Variants in PCNX1 observed in about 807,000 individuals in gnomAD.
PCNX1 encodes pecanex-like protein 1.
In PCNX1, 78 loss-of-function variants were observed where a neutral mutation model predicts 242.2. The ratio of observed to expected loss-of-function variants is 0.32; its 90% CI spans 0.27 to 0.39. The LOEUF is 0.39. PCNX1 is among the 10% of genes least tolerant of loss of function. The pLI, the probability that PCNX1 is intolerant of heterozygous loss-of-function variation, is 1.00. For missense variants in PCNX1, 2,581 were observed against 2,856.5 expected, an observed-to-expected ratio of 0.90 and a Z score of 2.20; for synonymous variants, 1,024 against 1,032.9, an observed-to-expected ratio of 0.99 and a Z score of 0.17.
At position 71,045,249 on chromosome 14, in the gene PCNX1, A is replaced by G. The variant is rs1247838680; in HGVS notation, c.3984A>G (p.Leu1328=). 5.6e-6 allele frequency: 9 copies of G among 1,613,022 alleles called. No homozygotes were observed. The highest frequency in any genetic ancestry group is 3.3e-5 in the Admixed American group (2 of 59,950). The change falls in exon 20 of 36, where the codon CTA becomes CTG. Residue 1328 remains leucine (L), a synonymous_variant. Transcript: ENST00000304743. The part of the protein sequence containing the change: ...LPWHCFSHPL[L]KTLEYNQYEV... ...GGCACTGTTTCTCTCATCCTCTGCTAAAGACACTAGAGTATAATCAGTATG... is the reference window on the plus strand; with the variant it reads ...GGCACTGTTTCTCTCATCCTCTGCTGAAGACACTAGAGTATAATCAGTATG...
At chr14:71,018,735 A>G (rs540405168) in intron 11 of PCNX1, among the ~76,000 whole-genome samples, 50 of 152,292 alleles carry the variant, frequency 3.3e-4, no homozygotes, top group South Asian at 4.1e-4. Flanking sequence ...TATTAAGGAG[A>G]GTAACATTTT....
chr14:71,009,646 C>A lies in PCNX1; in HGVS notation c.2642C>A (p.Ser881Tyr). 1 of 1,583,082 alleles carries A rather than the reference C, an allele frequency of 6.3e-7. No homozygotes were observed. The highest frequency in any genetic ancestry group is 1.1e-5 in the South Asian group (1 of 87,274). ...ATTTATTTGCTAGGTAAGTTCTCTT[C>A]TACGCTGTATGAGACTGGTGGCTGT... ...SLHDELGKFS[S>Y]TLYETGGCDM... The change falls in exon 9 of 36, where the codon TCT becomes TAT. Residue 881 changes from serine to tyrosine, a missense_variant. Ser to Tyr is a moderately radical substitution (Grantham distance 144, BLOSUM62 -2). Transcript: ENST00000304743.
At chr14:71,020,328 T>C (rs1297088378) in intron 12 of PCNX1, among the ~76,000 whole-genome samples, 1 of 152,244 alleles carries the variant, frequency 6.6e-6, no homozygotes, top group Admixed American at 6.5e-5. Flanking sequence ...AAATGGTATT[T>C]CTGGTTCTGG....
At chr14:71,105,629 G>A (rs558411248) in intron 33 of PCNX1, among the ~76,000 whole-genome samples, 189 bp downstream of exon 33, 6 of 150,834 alleles carry the variant, frequency 4.0e-5, no homozygotes, top group East Asian at 1.9e-4. Context: ...TGCAAGCTCC[G>A]CCTCCCGGGT....
intron 26 of PCNX1, among the ~76,000 whole-genome samples, chr14:71,066,006 A>G (rs530866238): frequency 1.5e-3 from 229 of 152,128 alleles, no homozygotes; most frequent in African/African-American, 5.3e-3. Flanking sequence ...TGCTGTTTTG[A>G]TTACTGTAGC....
chr14:71,114,951 G>A lies in PCNX1; in HGVS notation c.*5016G>A, dbSNP rs1051840293. 7 of 139,110 alleles carry A rather than the reference G, an allele frequency of 5.0e-5. No homozygotes were observed. Among genetic ancestry groups the A allele is most frequent in the African/African-American group, 1.5e-4 (6 of 39,002 alleles). 8.6% of individuals were successfully genotyped at this position (139,110 alleles called of 1,614,324 possible). On this transcript the variant is annotated 3_prime_UTR_variant, in exon 36 of 36. Transcript: ENST00000304743. ...AACCAAAATAATAGAAATGGGGGGG[G>A]GGGGGGGAATCATGTCTGCTTATGC...
chr14:71,064,125 T>G (rs1287196734), intron 26 of PCNX1, among the ~76,000 whole-genome samples: 2 of 152,144 alleles, frequency 1.3e-5, no homozygotes, highest in African/African-American at 4.8e-5. Context: ...ATATTCACTA[T>G]GAAGTGACTG....
intron 3 of PCNX1, among the ~76,000 whole-genome samples, chr14:70,963,916 C>T (rs997133515): frequency 2.6e-5 from 4 of 152,216 alleles, no homozygotes; most frequent in Admixed American, 6.5e-5. Flanking sequence ...GCGGCTCATT[C>T]GGACTGATCT....
intron 6 of PCNX1, among the ~76,000 whole-genome samples, chr14:70,985,648 AAGTAT>A (rs2140216217): frequency 6.6e-6 from 1 of 152,312 alleles, no homozygotes; most frequent in East Asian, 1.9e-4. Flanking sequence ...ATACCCTTGG[AAGTAT>A]TTTATACTTC....
At chr14:71,019,585 A>G (rs1454645332) in intron 12 of PCNX1, among the ~76,000 whole-genome samples, 3 of 152,086 alleles carry the variant, frequency 2.0e-5, no homozygotes, top group Non-Finnish European at 2.9e-5. Flanking sequence ...TATTTTTAGT[A>G]GAGACGGGGT....
chr14:71,032,237 CCT>C (rs2060408671), intron 16 of PCNX1, among the ~76,000 whole-genome samples: 1 of 152,204 alleles, frequency 6.6e-6, no homozygotes, highest in Non-Finnish European at 1.5e-5. Context: ...AAATGCTCTT[CCT>C]TCATATCTTT....
intron 33 of PCNX1, among the ~76,000 whole-genome samples, chr14:71,107,217 A>T (rs1256360268): frequency 6.6e-6 from 1 of 152,156 alleles, no homozygotes; most frequent in Non-Finnish European, 1.5e-5. Context: ...GTTCTAAGAC[A>T]TTTACTTAAA....
chr14:71,109,966 T>TC lies in PCNX1; in HGVS notation c.*34dup, dbSNP rs1289706578. On this transcript the variant is annotated 3_prime_UTR_variant, in exon 36 of 36. Coordinates refer to ENST00000304743, the MANE Select transcript of PCNX1 (RefSeq NM_014982.3). The stretch of plus-strand genomic sequence containing the variant: ...TGTTTATTATAAAGACATTTCTTTT[T>TC]CCCTCTCAATTCCAAGGCATTGGAA... The TC allele has an allele frequency of 1.2e-6, 2 of 1,602,804 alleles. No homozygotes were observed. Among genetic ancestry groups the TC allele is most frequent in the Non-Finnish European group, 1.7e-6 (2 of 1,170,098 alleles).
chr14:70,961,943 A>G (rs2058230232), intron 2 of PCNX1, among the ~76,000 whole-genome samples: 1 of 152,064 alleles, frequency 6.6e-6, no homozygotes, highest in African/African-American at 2.4e-5. Context: ...TTAGTATGCT[A>G]TAATTGTAAT....
intron 19 of PCNX1, among the ~76,000 whole-genome samples, chr14:71,041,234 T>C (rs936082787): frequency 6.6e-6 from 1 of 152,180 alleles, no homozygotes; most frequent in African/African-American, 2.4e-5. Flanking sequence ...TATTTTTAGT[T>C]TTCTCAGGAA....
intron 7 of PCNX1, among the ~76,000 whole-genome samples, chr14:70,992,606 G>A (rs1339257456): frequency 1.3e-5 from 2 of 152,136 alleles, no homozygotes; most frequent in Non-Finnish European, 1.5e-5. Context: ...AAGGAAAGAC[G>A]AAGACCAACT....
chr14:71,044,765 C>T (rs2060811134), intron 19 of PCNX1: 1 of 181,876 alleles, frequency 5.5e-6, no homozygotes, highest in Non-Finnish European at 1.1e-5. Context: ...TCCGGGTGGA[C>T]CCCACCTTAC....
intron 8 of PCNX1, among the ~76,000 whole-genome samples, chr14:71,004,531 A>T (rs2059599309): frequency 6.6e-6 from 1 of 152,230 alleles, no homozygotes; most frequent in Non-Finnish European, 1.5e-5. Context: ...TCTGAGGTGG[A>T]ACAGTTTCAT....
At chr14:70,926,877 G>A (rs546292209) in intron 1 of PCNX1, among the ~76,000 whole-genome samples, 3 of 152,140 alleles carry the variant, frequency 2.0e-5, no homozygotes, top group Non-Finnish European at 4.4e-5. Flanking sequence ...TGTCTGAAAA[G>A]GCTACTTAGG....
Sources: allele counts gnomAD v4.1 joint callset (sites outside exome capture counted in the v4.1 genomes callset), GRCh38; gene constraint gnomAD v4.1.1; transcripts MANE v1.5; gene names NCBI Gene and HGNC (gene_info 2026-07-23, HGNC 2026-07-21).